The following ACTR8 variants were observed in gnomAD, a reference collection of about 807,000 sequenced individuals.
ACTR8 encodes actin-related protein 8.
Under a neutral mutation model 84.3 loss-of-function variants are expected in ACTR8, and 70 were observed. The ratio of observed to expected loss-of-function variants is 0.83; its 90% CI spans 0.68 to 1.01. The LOEUF (loss-of-function observed/expected upper bound fraction) is 1.01. Ranked by LOEUF, ACTR8 falls within the 50% of genes least tolerant of loss-of-function variation. The pLI is 0.00. For missense variants in ACTR8, 672 were observed against 775.4 expected (o/e 0.87, Z 1.58); for synonymous variants, 268 against 275.2 (o/e 0.97, Z 0.26).
At chr3:53,871,898 G>A (rs1699889164) in intron 10 of ACTR8, among the ~76,000 whole-genome samples, 1 of 152,132 alleles carries the variant, frequency 6.6e-6, no homozygotes, top group African/African-American at 2.4e-5. Flanking sequence ...CTGCCTCTGG[G>A]GAGGAACAAA....
At chr3:53,881,763 T>C (rs1225051579) in intron 1 of ACTR8, 1 of 702,532 alleles carries the variant, frequency 1.4e-6, no homozygotes. Flanking sequence ...GCGGTGTCCC[T>C]GCGGGGGCTC....
chr3:53,867,598 C>G lies in ACTR8; in HGVS notation c.*1121G>C, dbSNP rs752315963. 2.6e-5 allele frequency: 4 copies of G among 152,280 alleles called. No individual in the cohort carries two copies. The highest frequency in any genetic ancestry group is 4.4e-5 in the Non-Finnish European group (3 of 68,108). 9.4% of individuals were successfully genotyped at this position (152,280 alleles called of 1,614,324 possible). On this transcript the variant is annotated 3_prime_UTR_variant, in exon 13 of 13. Coordinates refer to ENST00000335754, the MANE Select transcript of ACTR8 (RefSeq NM_022899.5). ...TGTCCTTCCCCAGTCTCACCCCCAT[C>G]TCTAGCCATGGTAAGTGAGATGGCG... is the stretch of plus-strand genomic sequence containing the variant.
chr3:53,868,743 T>G lies in ACTR8; in HGVS notation c.1851A>C (p.Arg617=). 6.2e-7 allele frequency: 1 copy of G among 1,614,222 alleles called. No homozygotes were observed. Among genetic ancestry groups the G allele is most frequent in the Non-Finnish European group, 8.5e-7 (1 of 1,180,036 alleles). ...EWQRFGVRML[R]ERAAFVW ...TTCACCACACAAACGCAGCCCGCTC[T>G]CGTAACATGCGGACACCAAAGCGCT... The change falls in exon 13 of 13, where the codon CGA becomes CGC. Residue 617 remains arginine, a synonymous_variant. Coordinates refer to ENST00000335754, the MANE Select transcript of ACTR8 (RefSeq NM_022899.5).
At chr3:53,865,395 T>C (rs1699751485), downstream of ACTR8, 5 of 1,042,396 alleles carry the variant, frequency 4.8e-6, no homozygotes, top group Non-Finnish European at 6.8e-6. Flanking sequence ...AAGCTTACTA[T>C]GCAGCCTACA....
Position 53,882,137 on chromosome 3 carries a change from C to G in ACTR8, c.-36G>C. 1 of 1,548,674 alleles carries G rather than the reference C, an allele frequency of 6.5e-7. No homozygotes were observed. Among genetic ancestry groups the G allele is most frequent in the Non-Finnish European group, 8.7e-7 (1 of 1,144,968 alleles). On this transcript the variant is annotated 5_prime_UTR_variant, in exon 1 of 13. Coordinates refer to ENST00000335754, the MANE Select transcript of ACTR8 (RefSeq NM_022899.5). ...GACACCCACCAACCTCTCGCCTCAG[C>G]GCTGCAGCCACGACTGCCGGGATGG... is the stretch of plus-strand genomic sequence containing the variant.
intron 2 of ACTR8, 70 bp downstream of exon 2, chr3:53,879,869 G>A (rs1559795761): frequency 2.2e-6 from 3 of 1,379,994 alleles, no homozygotes; most frequent in East Asian, 4.7e-5. Context: ...TTAAGATTCT[G>A]GTGTACTTGT....
intron 5 of ACTR8, 113 bp from the exon 6 acceptor site, chr3:53,876,826 C>A: frequency 1.7e-6 from 1 of 579,736 alleles, no homozygotes; most frequent in Non-Finnish European, 3.0e-6. Flanking sequence ...GGTTACACAC[C>A]CAGATTAAAG....
rs779763400 is a variant in ACTR8, at chr3:53,872,536, GAA to G, written c.1162-14_1162-13del. Reference sequence around the variant, plus strand: ...AAAGCCATTGGAGCCTGTACATGAAGAAAAAGAGTGATCAACAAAAGATACTG... The same window carrying G: ...AAAGCCATTGGAGCCTGTACATGAAGAAAGAGTGATCAACAAAAGATACTG... On this transcript the variant is annotated splice_polypyrimidine_tract_variant and intron_variant, in intron 9 of 12. Transcript: ENST00000335754. The G allele has an allele frequency of 6.4e-7, 1 of 1,567,436 alleles. No individual in the cohort carries two copies. The highest frequency in any genetic ancestry group is 1.4e-5 in the African/African-American group (1 of 72,086).
Position 53,882,034 on chromosome 3 carries a change from T to G in ACTR8, c.68A>C (p.Gln23Pro). Residue 23 changes from glutamine to proline, a missense_variant, in exon 1 of 13, where the codon CAG becomes CCG. Coordinates refer to ENST00000335754, the MANE Select transcript of ACTR8 (RefSeq NM_022899.5). Reference sequence around the variant, plus strand: ...CACGATGGGCCGCTTCACGCCGCGCTGCTCCTTCTCCTTCTCGCCGCCCTT... The same window carrying G: ...CACGATGGGCCGCTTCACGCCGCGCGGCTCCTTCTCCTTCTCGCCGCCCTT... ...KEKGGEKEKE[Q>P]RGVKRPIVPA... is the part of the protein sequence containing the mutation. 1 of 1,551,824 alleles carries G rather than the reference T, an allele frequency of 6.4e-7. No individual in the cohort carries two copies. The highest frequency in any genetic ancestry group is 8.7e-7 in the Non-Finnish European group (1 of 1,146,956).
In ACTR8 at chr3:53,882,122, A is replaced by T. The variant is rs1214811819; in HGVS notation, c.-21T>A. 6.4e-7 allele frequency: 1 copy of T among 1,551,000 alleles called. No individual in the cohort carries two copies. The highest frequency in any genetic ancestry group is 1.2e-5 in the South Asian group (1 of 84,036). On this transcript the variant is annotated 5_prime_UTR_variant, in exon 1 of 13. Transcript: ENST00000335754. Reference sequence around the variant, plus strand: ...GTCATTATGGCCGGAGACACCCACCAACCTCTCGCCTCAGCGCTGCAGCCA... The same window carrying T: ...GTCATTATGGCCGGAGACACCCACCTACCTCTCGCCTCAGCGCTGCAGCCA...
In ACTR8 at chr3:53,869,019, C is replaced by T. The variant is rs150619749; in HGVS notation, c.1732-157G>A. Among the ~76,000 whole-genome samples the T allele has an allele frequency of 7.4e-3, 1,123 of 152,374 alleles. 29 individuals carry two copies. The highest frequency in any genetic ancestry group is 0.052 in the Admixed American group (796 of 15,302). On this transcript the variant is annotated intron_variant, in intron 12 of 12. Coordinates refer to ENST00000335754, the MANE Select transcript of ACTR8 (RefSeq NM_022899.5). ...GACAGCAGGATTAAATACAGGCTCA[C>T]GCCTGTAACCCCAGCACTTTGGGAG...
rs767295478 is a variant in ACTR8, at chr3:53,878,361, T to G, written c.401A>C (p.Glu134Ala). Residue 134 changes from glutamate to alanine, a missense_variant, in exon 3 of 13, where the codon GAA becomes GCA. Coordinates refer to ENST00000335754, the MANE Select transcript of ACTR8 (RefSeq NM_022899.5). ...NGTRRIPVSP[E>A]QARSYNKQMR... ...AATCTGAAGAGTTAATCGAACCTGT[T>G]CAGGGGACACAGGAATGCGTCTTGT... 6.2e-7 allele frequency: 1 copy of G among 1,606,296 alleles called. No homozygotes were observed. Among genetic ancestry groups the G allele is most frequent in the South Asian group, 1.1e-5 (1 of 90,652 alleles).
Position 53,868,581 on chromosome 3 carries a change from C to A in ACTR8, c.*138G>T. The stretch of plus-strand genomic sequence containing the variant: ...TATTTTCAAACCAATGTCATGTCCT[C>A]AACATAAAGTTCAAATTCATTTACT... On this transcript the variant is annotated 3_prime_UTR_variant, in exon 13 of 13. Coordinates refer to ENST00000335754, the MANE Select transcript of ACTR8 (RefSeq NM_022899.5). 1.5e-6 allele frequency: 2 copies of A among 1,321,638 alleles called. No homozygotes were observed. Among genetic ancestry groups the A allele is most frequent in the Non-Finnish European group, 1.0e-6 (1 of 978,812 alleles). 81.9% of individuals were successfully genotyped at this position (1,321,638 alleles called of 1,614,324 possible).
At chr3:53,879,841 A>T in intron 2 of ACTR8, 98 bp downstream of exon 2, 2 of 1,205,382 alleles carry the variant, frequency 1.7e-6, no homozygotes, top group Non-Finnish European at 2.3e-6. Context: ...AACACAGCAA[A>T]GCTATGAAGA....
intron 11 of ACTR8, 127 bp downstream of exon 11, chr3:53,871,105 C>A (rs1699876458): frequency 3.0e-6 from 4 of 1,338,534 alleles, no homozygotes; most frequent in Non-Finnish European, 1.0e-6. Flanking sequence ...GCAATGCAAG[C>A]CAAGTAGGCG....
At position 53,873,111 on chromosome 3, in the gene ACTR8, T is replaced by C. The variant is rs773604937; in HGVS notation, c.1082A>G (p.Gln361Arg). ...ATGTCGAATCTGAAACTCATGGTCC[T>C]GAAGCCCAGAGATGTCCTGATTCCA... ...CHLDQDISGLQDHEFQIRHPD... is the reference protein window; with the variant it reads ...CHLDQDISGLRDHEFQIRHPD... Residue 361 changes from glutamine (Q) to arginine (R), a missense_variant, in exon 9 of 13, where the codon CAG becomes CGG. Gln to Arg is a conservative substitution (Grantham distance 43). Transcript: ENST00000335754. The C allele has an allele frequency of 5.0e-6, 8 of 1,610,104 alleles. No homozygotes were observed. The African/African-American group carries it at 6.7e-5, about 13-fold the overall frequency.
Position 53,871,436 on chromosome 3 carries a change from G to C in ACTR8, c.1363C>G (p.Leu455Val). ...ASKPIGFEGD[L>V]RGQSSDLPER... Reference sequence around the variant, plus strand: ...GGAAGATCAGAGGACTGGCCACGAAGATCCCCTTCAAATCCAATAGGTTTG... The same window carrying C: ...GGAAGATCAGAGGACTGGCCACGAACATCCCCTTCAAATCCAATAGGTTTG... The change falls in exon 11 of 13, where the codon CTT becomes GTT. Residue 455 changes from leucine to valine, a missense_variant. Coordinates refer to ENST00000335754, the MANE Select transcript of ACTR8 (RefSeq NM_022899.5). The C allele has an allele frequency of 6.2e-7, 1 of 1,614,220 alleles. No individual in the cohort carries two copies. Among genetic ancestry groups the C allele is most frequent in the South Asian group, 1.1e-5 (1 of 91,086 alleles).
At chr3:53,874,399 G>A (rs766170332) in intron 7 of ACTR8, 35 bp from the exon 8 acceptor site, 1 of 1,599,020 alleles carries the variant, frequency 6.3e-7, no homozygotes, top group East Asian at 2.3e-5. Context: ...TGGTTAATCT[G>A]TTGGTTAAGA....
chr3:53,871,073 G>A (rs1173716075), intron 11 of ACTR8, 159 bp downstream of exon 11: 3 of 1,023,622 alleles, frequency 2.9e-6, no homozygotes, highest in East Asian at 2.6e-5. Flanking sequence ...ATCCTACTTC[G>A]TTAATGTATT....
Sources: gnomAD v4.1 joint callset for allele counts (sites outside exome capture counted in the v4.1 genomes callset) on GRCh38, gnomAD v4.1.1 for gene constraint, MANE v1.5 for transcripts, NCBI Gene and HGNC (gene_info 2026-07-23, HGNC 2026-07-21) for gene names.